GRID1: variants seen among roughly 807,000 people sequenced by gnomAD.
The protein encoded by GRID1 is glutamate receptor ionotropic, delta-1.
A neutral mutation model predicts 98.0 loss-of-function variants in GRID1; 28 were observed. The ratio of observed to expected loss-of-function variants is 0.29; its 90% confidence interval spans 0.21 to 0.39. The LOEUF (loss-of-function observed/expected upper bound fraction) is 0.39, where lower values mean the gene tolerates loss of function less well. GRID1 is among the 10% of genes least tolerant of loss of function. The pLI is 1.00. For synonymous variants in GRID1, 553 were observed against 538.5 expected, an observed-to-expected ratio of 1.03 and a Z score of -0.37; for missense variants, 1,111 against 1,340.5, an observed-to-expected ratio of 0.83 and a Z score of 2.67.
chr10:86,068,418 C>A (rs1441298651), intron 4 of GRID1, among the ~76,000 whole-genome samples: 1 of 152,192 alleles, frequency 6.6e-6, no homozygotes, highest in African/African-American at 2.4e-5. Flanking sequence ...GAGTTCAAAT[C>A]ACCATTCTGT....
At chr10:86,282,945 C>T (rs1847376683) in intron 2 of GRID1, among the ~76,000 whole-genome samples, 1 of 152,180 alleles carries the variant, frequency 6.6e-6, no homozygotes, top group African/African-American at 2.4e-5. Context: ...AGGCTAACCT[C>T]TCCCCGGTGG....
At chr10:85,970,718 C>T (rs1842397176) in intron 4 of GRID1, among the ~76,000 whole-genome samples, 1 of 152,070 alleles carries the variant, frequency 6.6e-6, no homozygotes. Context: ...CTGCAGCTAA[C>T]ATCATACTGA....
chr10:85,689,582 GA>G (rs1268959941), intron 12 of GRID1, among the ~76,000 whole-genome samples: 2 of 151,906 alleles, frequency 1.3e-5, no homozygotes, highest in Non-Finnish European at 2.9e-5. Flanking sequence ...GCTATAATTG[GA>G]AAAAAATCCT....
At position 85,882,612 on chromosome 10, in the gene GRID1, G is replaced by A. The variant is rs147311266; in HGVS notation, c.781-13432C>T. Among the ~76,000 whole-genome samples, 348 of 152,206 alleles carry A rather than the reference G, an allele frequency of 2.3e-3. 1 individual carries two copies. The highest frequency in any genetic ancestry group is 7.5e-3 in the African/African-American group (312 of 41,510). ...ACAGGAAGGGGAACATCACACTCCC[G>A]GAACTGTTGTGGGGTTGGGGGAGGG... On this transcript the variant is annotated intron_variant, in intron 5 of 15. Transcript: ENST00000327946.
At chr10:86,328,361 T>C (rs1244533755) in intron 2 of GRID1, among the ~76,000 whole-genome samples, 1 of 152,196 alleles carries the variant, frequency 6.6e-6, no homozygotes, top group African/African-American at 2.4e-5. Context: ...TAATGAGATG[T>C]GTTTGTGTAT....
Position 86,029,161 on chromosome 10 carries a change from A to C in GRID1, c.726+109658T>G, listed in dbSNP as rs572325305. Among the ~76,000 whole-genome samples, 12 of 152,300 alleles carry C rather than the reference A, an allele frequency of 7.9e-5. No individual in the cohort carries two copies. The East Asian group carries it at 2.1e-3, about 27-fold the overall frequency. ...ATTTCTCAAATTTAACATTTCCAAA[A>C]ACACACTGGTTTCCACTTCCCCCCA... On this transcript the variant is annotated intron_variant, in intron 4 of 15. Coordinates refer to ENST00000327946, the MANE Select transcript of GRID1 (RefSeq NM_017551.3).
At chr10:85,733,012 G>C (rs563587558) in intron 8 of GRID1, among the ~76,000 whole-genome samples, 2 of 152,050 alleles carry the variant, frequency 1.3e-5, no homozygotes, top group African/African-American at 4.8e-5. Flanking sequence ...GTTGAAATAA[G>C]ATTTCACTTT....
intron 2 of GRID1, among the ~76,000 whole-genome samples, chr10:86,337,698 CTTTTTTTTTTTT>C (rs57891044): frequency 6.1e-4 from 45 of 73,338 alleles, no homozygotes; most frequent in African/African-American, 2.5e-3. Flanking sequence ...CCTTTGGGAA[CTTTTTTTTTTTT>C]TTTTTTTTTT....
At chr10:85,745,532 T>G (rs1356205315) in intron 8 of GRID1, among the ~76,000 whole-genome samples, 1 of 127,480 alleles carries the variant, frequency 7.8e-6, no homozygotes, top group South Asian at 2.8e-4. Context: ...TGAGATCACA[T>G]GGACACAGGA....
chr10:86,209,086 A>ATT lies in GRID1; in HGVS notation c.236-2440_236-2439dup, dbSNP rs576592358. On this transcript the variant is annotated intron_variant, in intron 2 of 15. Transcript: ENST00000327946. The stretch of plus-strand genomic sequence containing the variant: ...GTGAAAGTGATACAAAATTGTATGT[A>ATT]TTTTATTTTATCAATTAAATAAAAC... Among the ~76,000 whole-genome samples the ATT allele has an allele frequency of 2.9e-3, 437 of 152,334 alleles. 3 individuals carry two copies. Among genetic ancestry groups the ATT allele is most frequent in the Middle Eastern group, 6.8e-3 (2 of 294 alleles).
intron 4 of GRID1, among the ~76,000 whole-genome samples, chr10:85,990,233 C>T (rs111713978): frequency 2.0e-5 from 3 of 152,282 alleles, no homozygotes; most frequent in Admixed American, 1.3e-4. Context: ...ACTTAGGCAT[C>T]GTTAGCTTCA....
intron 2 of GRID1, among the ~76,000 whole-genome samples, chr10:86,321,098 T>TG (rs1388948318): frequency 1.3e-5 from 1 of 78,340 alleles, no homozygotes; most frequent in South Asian, 4.9e-4. Context: ...AGACTCCATC[T>TG]CAAAAAAAAA....
rs80203546 is a variant in GRID1 at position 86,224,958 on chromosome 10, G to A, written c.236-18310C>T. Among the ~76,000 whole-genome samples the A allele has an allele frequency of 2.8e-3, 426 of 152,346 alleles. 1 individual carries two copies. Among genetic ancestry groups the A allele is most frequent in the Non-Finnish European group, 4.8e-3 (326 of 68,032 alleles). On this transcript the variant is annotated intron_variant, in intron 2 of 15. Transcript: ENST00000327946. ...TGTGAGCTGTTGGAATTTAGGAACC[G>A]TGTTGAGGCCACTTCAGGGTCCCCA...
chr10:85,687,025 TTGTTTA>T (rs1226606314), intron 12 of GRID1, among the ~76,000 whole-genome samples: 1 of 152,192 alleles, frequency 6.6e-6, no homozygotes, highest in African/African-American at 2.4e-5. Flanking sequence ...AGGAAGCTAC[TTGTTTA>T]TGTGTATAAT....
chr10:85,739,376 T>C (rs1041032399), intron 8 of GRID1, among the ~76,000 whole-genome samples: 4 of 151,972 alleles, frequency 2.6e-5, no homozygotes, highest in Admixed American at 1.3e-4. Flanking sequence ...GCCCAGGAGA[T>C]TGAGACCAAC....
chr10:85,854,982 C>T (rs1023732263), intron 7 of GRID1, among the ~76,000 whole-genome samples: 2 of 152,192 alleles, frequency 1.3e-5, no homozygotes, highest in African/African-American at 4.8e-5. Flanking sequence ...AGGGGCTCAC[C>T]TTAGCCTAAC....
intron 4 of GRID1, among the ~76,000 whole-genome samples, chr10:86,086,966 T>A (rs925479202): frequency 6.6e-6 from 1 of 152,212 alleles, no homozygotes; most frequent in Non-Finnish European, 1.5e-5. Context: ...TGTACATACA[T>A]GCACTGTCGT....
chr10:86,126,450 G>T (rs111711618), intron 4 of GRID1, among the ~76,000 whole-genome samples: 1 of 150,748 alleles, frequency 6.6e-6, no homozygotes, highest in Non-Finnish European at 1.5e-5. Flanking sequence ...GTGAGACTCC[G>T]TCTCAAAAAC....
intron 4 of GRID1, among the ~76,000 whole-genome samples, chr10:86,119,221 G>C (rs1294865133): frequency 6.6e-6 from 1 of 152,118 alleles, no homozygotes; most frequent in Non-Finnish European, 1.5e-5. Flanking sequence ...TGTAGTTCCA[G>C]CTACTTGGGA....
Sources: allele counts gnomAD v4.1 joint callset (sites outside exome capture counted in the v4.1 genomes callset), GRCh38; gene constraint gnomAD v4.1.1; transcripts MANE v1.5; gene names NCBI Gene and HGNC (gene_info 2026-07-23, HGNC 2026-07-21).